Variants in CTNNA2 observed in about 807,000 individuals in gnomAD.
The protein encoded by CTNNA2 is catenin alpha 2.
A neutral mutation model predicts 101.0 loss-of-function variants in CTNNA2; 42 were observed. The ratio of observed to expected loss-of-function variants is 0.42; its 90% CI spans 0.32 to 0.54. CTNNA2 has a LOEUF of 0.54. Ranked by LOEUF, CTNNA2 falls within the 20% of genes least tolerant of loss-of-function variation. The pLI is 0.14. For synonymous variants in CTNNA2, 450 were observed against 456.4 expected, an observed-to-expected ratio of 0.99 and a Z score of 0.18; for missense variants, 871 against 1,223.1, an observed-to-expected ratio of 0.71 and a Z score of 4.29.
chr2:80,231,201 C>G (rs1218417748), intron 7 of CTNNA2, among the ~76,000 whole-genome samples: 1 of 151,976 alleles, frequency 6.6e-6, no homozygotes, highest in African/African-American at 2.4e-5. Context: ...CTCTTGATCT[C>G]AGTCTGAAGT....
chr2:79,979,423 G>A (rs544546644), intron 7 of CTNNA2, among the ~76,000 whole-genome samples: 5 of 152,122 alleles, frequency 3.3e-5, no homozygotes, highest in East Asian at 1.9e-4. Flanking sequence ...TGGGCCTGTG[G>A]AGTATGAGAT....
rs78593696 is a variant in CTNNA2 at position 80,458,628 on chromosome 2, T to G, written c.1290+39027T>G. Among the ~76,000 whole-genome samples the G allele has an allele frequency of 1.1e-3, 165 of 152,332 alleles. 2 individuals are homozygous for G. The East Asian group carries it at 0.028, about 25-fold the overall frequency. Reference sequence around the variant, plus strand: ...CCACTGTTATTTGTGAAAAATCATTTTTTTAGCAGACTGCTTTCTGAAAAT... The same window carrying G: ...CCACTGTTATTTGTGAAAAATCATTGTTTTAGCAGACTGCTTTCTGAAAAT... On this transcript the variant is annotated intron_variant, in intron 9 of 18. Coordinates refer to ENST00000402739, the MANE Select transcript of CTNNA2 (RefSeq NM_001282597.3).
intron 7 of CTNNA2, among the ~76,000 whole-genome samples, chr2:80,254,164 T>A (rs192710777): frequency 4.1e-4 from 63 of 152,324 alleles, no homozygotes; most frequent in African/African-American, 1.4e-3. Flanking sequence ...TCTATTAGAT[T>A]ACATTACAAT....
chr2:79,485,142 T>C (rs1671145111), intron 4 of CTNNA2, among the ~76,000 whole-genome samples: 1 of 152,202 alleles, frequency 6.6e-6, no homozygotes, highest in South Asian at 2.1e-4. Context: ...TGTAGTAGAA[T>C]AATATGCTTC....
At chr2:79,343,749 TTA>T (rs1677191782) in intron 3 of CTNNA2, among the ~76,000 whole-genome samples, 1 of 149,776 alleles carries the variant, frequency 6.7e-6, no homozygotes, top group African/African-American at 2.4e-5. Flanking sequence ...ATTATTATTA[TTA>T]TTATTATTTG....
chr2:79,930,377 A>G (rs28535015), intron 7 of CTNNA2, among the ~76,000 whole-genome samples: 16,377 of 150,834 alleles, frequency 0.11, 1,296 homozygotes, highest in East Asian at 0.25. Flanking sequence ...GGTTCTAGCC[A>G]CCTCCTCCCT....
At chr2:80,222,911 G>C (rs955468256) in intron 7 of CTNNA2, among the ~76,000 whole-genome samples, 1 of 152,132 alleles carries the variant, frequency 6.6e-6, no homozygotes, top group Non-Finnish European at 1.5e-5. Flanking sequence ...AAGAGAATGA[G>C]ATTGTGGTTT....
chr2:80,265,782 A>G lies in CTNNA2; in HGVS notation c.1057-127429A>G, dbSNP rs149299650. Among the ~76,000 whole-genome samples, 386 of 152,324 alleles carry G rather than the reference A, an allele frequency of 2.5e-3. 7 individuals are homozygous for G. The highest frequency in any genetic ancestry group is 0.023 in the Admixed American group (356 of 15,302). Reference sequence around the variant, plus strand: ...GCATCCTCTGTGGACACAGATAACAACTGAGAAGAGAAGAGAAGTGTCTGG... The same window carrying G: ...GCATCCTCTGTGGACACAGATAACAGCTGAGAAGAGAAGAGAAGTGTCTGG... On this transcript the variant is annotated intron_variant, in intron 7 of 18. Coordinates refer to ENST00000402739, the MANE Select transcript of CTNNA2 (RefSeq NM_001282597.3).
At chr2:80,106,963 C>T (rs552093191) in intron 7 of CTNNA2, among the ~76,000 whole-genome samples, 1 of 152,172 alleles carries the variant, frequency 6.6e-6, no homozygotes, top group Non-Finnish European at 1.5e-5. Context: ...AAAAGCTGTG[C>T]TGAGCATGAC....
At chr2:79,280,057 C>T (rs1045578955) in intron 2 of CTNNA2, among the ~76,000 whole-genome samples, 2 of 152,162 alleles carry the variant, frequency 1.3e-5, no homozygotes, top group Non-Finnish European at 2.9e-5. Flanking sequence ...TTAAAATGGT[C>T]ATTTGAAATT....
intron 7 of CTNNA2, among the ~76,000 whole-genome samples, chr2:80,371,169 C>CT (rs1675408865): frequency 6.6e-6 from 1 of 152,056 alleles, no homozygotes; most frequent in African/African-American, 2.4e-5. Context: ...TGAGAGTGAC[C>CT]TTTCTGCTTC....
At chr2:79,802,586 G>C (rs1404605920) in intron 3 of CTNNA2, among the ~76,000 whole-genome samples, 4 of 152,204 alleles carry the variant, frequency 2.6e-5, no homozygotes, top group Non-Finnish European at 4.4e-5. Context: ...CCCTAGGAAG[G>C]CCTCTAAAGA....
chr2:80,604,109 T>C lies in CTNNA2; in HGVS notation c.2225T>C (p.Ile742Thr). Reference sequence around the variant, plus strand: ...CCATTGAAAAATACATCTGATGTCATTAATGCTGCCAAGAAAATTGCCGAA... The same window carrying C: ...CCATTGAAAAATACATCTGATGTCACTAATGCTGCCAAGAAAATTGCCGAA... ...KGPLKNTSDV[I>T]NAAKKIAEAG... Residue 742 changes from isoleucine (I) to threonine (T), a missense_variant, in exon 16 of 19, where the codon ATT becomes ACT. Transcript: ENST00000402739. 1 of 1,613,178 alleles carries C rather than the reference T, an allele frequency of 6.2e-7. No homozygotes were observed.
chr2:79,504,677 T>A (rs2103809932), intron 4 of CTNNA2, among the ~76,000 whole-genome samples: 1 of 152,312 alleles, frequency 6.6e-6, no homozygotes, highest in South Asian at 2.1e-4. Context: ...CATAAGATTT[T>A]GCCTATTCCA....
At chr2:80,470,607 T>G (rs1685221741) in intron 9 of CTNNA2, among the ~76,000 whole-genome samples, 1 of 152,126 alleles carries the variant, frequency 6.6e-6, no homozygotes, top group Non-Finnish European at 1.5e-5. Flanking sequence ...TTGTCAGTAT[T>G]ACTTCATTCA....
At chr2:79,417,740 C>A (rs879618627) in intron 4 of CTNNA2, among the ~76,000 whole-genome samples, 1 of 152,044 alleles carries the variant, frequency 6.6e-6, no homozygotes, top group Non-Finnish European at 1.5e-5. Context: ...TGGATATTTT[C>A]TTTAAGAATA....
At chr2:80,297,461 A>G (rs1337678724) in intron 7 of CTNNA2, among the ~76,000 whole-genome samples, 3 of 152,182 alleles carry the variant, frequency 2.0e-5, no homozygotes, top group Non-Finnish European at 2.9e-5. Flanking sequence ...ACTGCTCAGT[A>G]AATTGTATTT....
At chr2:79,266,182 C>G (rs1468954405) in intron 2 of CTNNA2, among the ~76,000 whole-genome samples, 1 of 152,166 alleles carries the variant, frequency 6.6e-6, no homozygotes, top group African/African-American at 2.4e-5. Flanking sequence ...CTAGTACCTC[C>G]ATTTTTTTGC....
chr2:79,645,960 G>A (rs999777967), intron 1 of CTNNA2, among the ~76,000 whole-genome samples: 2 of 152,102 alleles, frequency 1.3e-5, no homozygotes, highest in Non-Finnish European at 2.9e-5. Flanking sequence ...ATAAAGCTTC[G>A]TGGAGTTTGA....
Sources: allele counts gnomAD v4.1 joint callset (sites outside exome capture counted in the v4.1 genomes callset), GRCh38; gene constraint gnomAD v4.1.1; transcripts MANE v1.5; gene names NCBI Gene and HGNC (gene_info 2026-07-23, HGNC 2026-07-21).